The following B3GAT2 variants were observed in gnomAD, a reference collection of about 807,000 sequenced individuals.
B3GAT2 encodes galactosylgalactosylxylosylprotein 3-beta-glucuronosyltransferase 2.
In B3GAT2, 26 loss-of-function variants were observed where a neutral mutation model predicts 27.8. The ratio of observed to expected loss-of-function variants is 0.93; its 90% CI spans 0.68 to 1.30. The LOEUF is 1.30. B3GAT2 is among the 50% of genes most tolerant of loss of function. B3GAT2 has a pLI of 0.00. For missense variants in B3GAT2, 458 were observed against 459.0 expected (o/e 1.00, Z 0.02); for synonymous variants, 218 against 195.1 (o/e 1.12, Z -0.98).
Position 70,955,958 on chromosome 6 carries a change from C to A in B3GAT2, c.472G>T (p.Glu158Ter). Residue 158 changes from glutamate (E) to a stop codon, truncating the protein, a stop_gained, in exon 1 of 4, where the codon GAG (glutamate) becomes TAG (stop). Coordinates refer to ENST00000230053, the MANE Select transcript of B3GAT2 (RefSeq NM_080742.3). LOFTEE classifies it high-confidence loss of function. ...CAGGCGAGGCCCGCGTTGCGCTGCT[C>A]AGTGGCGCGCGGCAGCCCGGGCCGC... Reference protein sequence around the residue: ...YKRPGLPRATEQRNAGLAWLR... With the variant: ...YKRPGLPRAT The A allele has an allele frequency of 6.6e-7, 1 of 1,513,988 alleles. No individual in the cohort carries two copies. The highest frequency in any genetic ancestry group is 1.3e-5 in the South Asian group (1 of 79,638). The allele number at this position is 1,513,988 out of a possible 1,614,324, so 93.8% of individuals were successfully genotyped here. A position where few individuals can be genotyped will look rare whatever the true frequency, so the allele number is the denominator to read the frequency against.
In B3GAT2 at chr6:70,956,335, G is replaced by T. The variant is rs776603346; in HGVS notation, c.95C>A (p.Pro32His). 1 of 1,577,256 alleles carries T rather than the reference G, an allele frequency of 6.3e-7. No individual in the cohort carries two copies. ...MLDVDTRRPV[P>H]PLTPRPYFSP... ...GAAGTAGGGGCGCGGGGTGAGCGGG[G>T]GCACTGGCCTGCGCGTGTCCACGTC... Residue 32 changes from proline (P) to histidine (H), a missense_variant, in exon 1 of 4, where the codon CCC becomes CAC. Pro to His is a moderately conservative substitution (Grantham distance 77, BLOSUM62 -2). Transcript: ENST00000230053.
Position 70,905,750 on chromosome 6 carries a change from T to C in B3GAT2, c.592-11478A>G, listed in dbSNP as rs1772590661. On this transcript the variant is annotated intron_variant, in intron 1 of 3. Transcript: ENST00000230053. The stretch of plus-strand genomic sequence containing the variant: ...CTGGTATCATTATCCACTAGTCTTT[T>C]CATGTAATAGGCAAACTCAGATACA... Among the ~76,000 whole-genome samples, 7 of 152,240 alleles carry C rather than the reference T, an allele frequency of 4.6e-5. No individual in the cohort carries two copies. The South Asian group carries it at 1.5e-3, about 32-fold the overall frequency.
intron 1 of B3GAT2, among the ~76,000 whole-genome samples, chr6:70,908,834 G>T (rs1428613084): frequency 6.6e-6 from 1 of 152,054 alleles, no homozygotes; most frequent in Admixed American, 6.6e-5. Flanking sequence ...AAATTCTCAG[G>T]TTCTCCTGGT....
intron 1 of B3GAT2, among the ~76,000 whole-genome samples, chr6:70,952,173 C>A (rs896812502): frequency 6.6e-6 from 1 of 152,128 alleles, no homozygotes; most frequent in African/African-American, 2.4e-5. Flanking sequence ...TAGCACCCAA[C>A]AAAAGATTCA....
intron 2 of B3GAT2, among the ~76,000 whole-genome samples, chr6:70,872,684 A>T (rs949160004): frequency 6.6e-6 from 1 of 151,686 alleles, no homozygotes; most frequent in African/African-American, 2.4e-5. Flanking sequence ...AGTTACGTTT[A>T]ATGTAATTAC....
At chr6:70,889,518 G>A (rs1210726050) in intron 2 of B3GAT2, among the ~76,000 whole-genome samples, 4 of 152,124 alleles carry the variant, frequency 2.6e-5, no homozygotes, top group Admixed American at 1.3e-4. Flanking sequence ...GGCCGTAGGC[G>A]AGGAGGAGTT....
At chr6:70,947,114 C>G (rs1443173730) in intron 1 of B3GAT2, among the ~76,000 whole-genome samples, 1 of 151,414 alleles carries the variant, frequency 6.6e-6, no homozygotes, top group Non-Finnish European at 1.5e-5. Context: ...CACTAAATGC[C>G]CACAAGAGAA....
chr6:70,899,961 T>C (rs1477417841), intron 1 of B3GAT2, among the ~76,000 whole-genome samples: 2 of 152,144 alleles, frequency 1.3e-5, no homozygotes, highest in Non-Finnish European at 2.9e-5. Flanking sequence ...ACAAACACAA[T>C]CTCAGGTGTC....
chr6:70,904,279 T>C (rs1431978493), intron 1 of B3GAT2, among the ~76,000 whole-genome samples: 1 of 152,226 alleles, frequency 6.6e-6, no homozygotes, highest in African/African-American at 2.4e-5. Flanking sequence ...TCAGGGTATA[T>C]GAATTTGCTA....
intron 1 of B3GAT2, among the ~76,000 whole-genome samples, chr6:70,940,536 C>G (rs1765376248): frequency 6.6e-6 from 1 of 152,160 alleles, no homozygotes; most frequent in South Asian, 2.1e-4. Context: ...AACATACTAT[C>G]TCTTTGATTC....
At chr6:70,875,601 C>T (rs943235720) in intron 2 of B3GAT2, among the ~76,000 whole-genome samples, 11 of 152,122 alleles carry the variant, frequency 7.2e-5, no homozygotes, top group Admixed American at 3.3e-4. Flanking sequence ...CATAGCTTCC[C>T]GCATTTACTT....
intron 2 of B3GAT2, among the ~76,000 whole-genome samples, chr6:70,882,284 G>T (rs1194747243): frequency 6.6e-6 from 1 of 152,080 alleles, no homozygotes; most frequent in Admixed American, 6.5e-5. Flanking sequence ...GGCAGATCAC[G>T]AGGTCAGGAG....
chr6:70,867,443 G>T (rs1172628714), intron 2 of B3GAT2, among the ~76,000 whole-genome samples: 1 of 152,002 alleles, frequency 6.6e-6, no homozygotes, highest in Non-Finnish European at 1.5e-5. Context: ...ATGCTTATCA[G>T]GAAAAAGAGA....
intron 1 of B3GAT2, among the ~76,000 whole-genome samples, chr6:70,937,329 A>G (rs1389691384): frequency 6.6e-6 from 1 of 150,896 alleles, no homozygotes; most frequent in Non-Finnish European, 1.5e-5. Context: ...AGGTACAAGG[A>G]GGAACTGGTA....
At chr6:70,945,050 A>G (rs1051955869) in intron 1 of B3GAT2, among the ~76,000 whole-genome samples, 1 of 152,208 alleles carries the variant, frequency 6.6e-6, no homozygotes, top group African/African-American at 2.4e-5. Flanking sequence ...CAGAAAGGAC[A>G]TCTACACCAA....
rs1330311300 is a variant in B3GAT2 at position 70,955,926 on chromosome 6, G to A, written c.504C>T (p.Arg168=). The change falls in exon 1 of 4, where the codon CGC becomes CGT. Residue 168 remains arginine (R), a synonymous_variant. Transcript: ENST00000230053. Reference sequence around the variant, plus strand: ...GCGCGCGCTGGTGCTGGTGCCTCTGGCGCAGCCAGGCGAGGCCCGCGTTGC... The same window carrying A: ...GCGCGCGCTGGTGCTGGTGCCTCTGACGCAGCCAGGCGAGGCCCGCGTTGC... ...EQRNAGLAWL[R]QRHQHQRAQP... is the part of the protein sequence containing the mutation. The A allele has an allele frequency of 1.3e-6, 2 of 1,591,892 alleles. No individual in the cohort carries two copies. The highest frequency in any genetic ancestry group is 1.7e-6 in the Non-Finnish European group (2 of 1,171,060).
rs894788423 is a variant in B3GAT2 at position 70,878,782 on chromosome 6, T to C, written c.736+15346A>G. 2.6e-5 allele frequency among the ~76,000 whole-genome samples: 4 copies of C among 152,152 alleles called. 1 individual carries two copies. Among genetic ancestry groups the C allele is most frequent in the Admixed American group, 2.6e-4 (4 of 15,278 alleles). On this transcript the variant is annotated intron_variant, in intron 2 of 3. Transcript: ENST00000230053. The stretch of plus-strand genomic sequence containing the variant: ...TACTGTGGTTACCTTTAAAATTCCT[T>C]ATTTAAAATATTTTTAACTGTTTAA...
Position 70,881,260 on chromosome 6 carries a change from CTCTT to C in B3GAT2, c.736+12864_736+12867del, listed in dbSNP as rs575800199. Among the ~76,000 whole-genome samples, 111 of 152,300 alleles carry C rather than the reference CTCTT, an allele frequency of 7.3e-4. 1 individual carries two copies. The highest frequency in any genetic ancestry group is 2.6e-3 in the African/African-American group (108 of 41,576). ...TACAGGAATCCTTGCTCTCCAATGACTCTTTCCTCACAGCTGCTGGCTCTTGTTT... is the reference window on the plus strand; with the variant it reads ...TACAGGAATCCTTGCTCTCCAATGACTCCTCACAGCTGCTGGCTCTTGTTT... On this transcript the variant is annotated intron_variant, in intron 2 of 3. Transcript: ENST00000230053.
chr6:70,884,095 C>CAAAAAAAA (rs70990339), intron 2 of B3GAT2, among the ~76,000 whole-genome samples: 7 of 100,692 alleles, frequency 7.0e-5, no homozygotes, highest in Non-Finnish European at 8.0e-5. Context: ...CCTCAAGACT[C>CAAAAAAAA]AAAAAAAAAA....
Sources: allele counts gnomAD v4.1 joint callset (sites outside exome capture counted in the v4.1 genomes callset), GRCh38; gene constraint gnomAD v4.1.1; transcripts MANE v1.5; gene names NCBI Gene and HGNC (gene_info 2026-07-23, HGNC 2026-07-21).